The following WDR64 variants were observed in gnomAD, a reference collection of about 807,000 sequenced individuals.
WDR64 encodes WD repeat-containing protein 64.
Under a neutral mutation model 139.3 loss-of-function variants are expected in WDR64, and 112 were observed. The ratio of observed to expected loss-of-function variants is 0.80; its 90% CI spans 0.69 to 0.94. The LOEUF is 0.94. WDR64 is among the 40% of genes least tolerant of loss of function. The probability of loss-of-function intolerance (pLI) is 0.00; values close to 1 mark genes in which losing one functional copy is unlikely to be tolerated. For missense variants in WDR64, 1,206 were observed against 1,293.1 expected (o/e 0.93, Z 1.03); for synonymous variants, 444 against 437.7 (o/e 1.01, Z -0.18).
intron 15 of WDR64, among the ~76,000 whole-genome samples, chr1:241,759,742 C>T (rs921802567): frequency 6.6e-6 from 1 of 151,750 alleles, no homozygotes; most frequent in Non-Finnish European, 1.5e-5. Flanking sequence ...TAATATTTAC[C>T]ACTTAGACTA....
intron 9 of WDR64, among the ~76,000 whole-genome samples, chr1:241,721,600 T>C (rs1267038533): frequency 6.6e-6 from 1 of 152,140 alleles, no homozygotes. Context: ...TGGGAGTTAG[T>C]TTCTTTCTTT....
intron 2 of WDR64, among the ~76,000 whole-genome samples, chr1:241,665,041 AAGAAGG>A (rs1374173160): frequency 2.0e-5 from 3 of 151,436 alleles, no homozygotes; most frequent in African/African-American, 7.4e-5. Context: ...TATGAAGAAG[AAGAAGG>A]AGAAGGAGAA....
intron 27 of WDR64, among the ~76,000 whole-genome samples, chr1:241,800,478 C>A (rs922462522): frequency 6.6e-6 from 1 of 152,060 alleles, no homozygotes; most frequent in African/African-American, 2.4e-5. Context: ...CAAAAATAAT[C>A]AATGCAAAAC....
chr1:241,757,649 G>GTTTTTTTT (rs35256499), intron 15 of WDR64, among the ~76,000 whole-genome samples, 190 bp downstream of exon 15: 5 of 95,222 alleles, frequency 5.3e-5, no homozygotes, highest in African/African-American at 8.1e-5. Flanking sequence ...CAATGGATTT[G>GTTTTTTTT]TTTTTTTTTT....
intron 18 of WDR64, 138 bp from the exon 19 acceptor site, chr1:241,771,523 C>CAA (rs139942709): frequency 2.6e-4 from 135 of 521,588 alleles, no homozygotes; most frequent in African/African-American, 7.2e-4. Flanking sequence ...ACATTTTTTT[C>CAA]AAAAAAAAAT....
In WDR64 at chr1:241,801,166, T is replaced by C. The variant is rs151295225; in HGVS notation, c.3227T>C (p.Val1076Ala). ...PRRRSLKKNLVPQINLASSFF... is the reference protein window; with the variant it reads ...PRRRSLKKNLAPQINLASSFF... ...AGAAGAAGTTTGAAAAAAAATTTAG[T>C]CCCACAAATAAATCTGGCTTCTTCC... Residue 1076 changes from valine to alanine, a missense_variant, in exon 28 of 28, where the codon GTC becomes GCC. By Grantham distance (64) the Val-to-Ala change is moderately conservative. Coordinates refer to ENST00000437684, the MANE Select transcript of WDR64 (RefSeq NM_001367482.1). 5,259 of 1,613,666 alleles carry C rather than the reference T, an allele frequency of 3.3e-3. 194 individuals are homozygous for C. In the East Asian group the frequency reaches 0.08, roughly 25 times the overall value.
intron 10 of WDR64, among the ~76,000 whole-genome samples, chr1:241,733,552 A>G (rs1001457432): frequency 6.6e-6 from 1 of 151,788 alleles, no homozygotes; most frequent in Non-Finnish European, 1.5e-5. Flanking sequence ...AAATTTTTAA[A>G]ATAATTTCAG....
At chr1:241,745,353 C>A (rs943219842) in intron 13 of WDR64, among the ~76,000 whole-genome samples, 2 of 129,362 alleles carry the variant, frequency 1.5e-5, no homozygotes, top group African/African-American at 6.0e-5. Context: ...AATGCAACTG[C>A]CCTTCACGTG....
chr1:241,741,667 A>G lies in WDR64; in HGVS notation c.1470+3A>G. The G allele has an allele frequency of 1.3e-6, 2 of 1,598,020 alleles. No homozygotes were observed. Among genetic ancestry groups the G allele is most frequent in the Non-Finnish European group, 1.7e-6 (2 of 1,175,954 alleles). ...TCTGCTCTGAATCCATAATTAGGGT[A>G]AGTACCTATTGGCTTTTCAAACAGA... On this transcript the variant is annotated splice_donor_region_variant and intron_variant, in intron 12 of 27. Transcript: ENST00000437684.
At chr1:241,777,071 C>G (rs1658680884) in intron 21 of WDR64, among the ~76,000 whole-genome samples, 1 of 152,140 alleles carries the variant, frequency 6.6e-6, no homozygotes, top group Admixed American at 6.6e-5. Context: ...CACCCTCAGG[C>G]ATCATTACAT....
rs772896865 is a variant in WDR64 at position 241,711,138 on chromosome 1, G to A, written c.975-664G>A. Reference sequence around the variant, plus strand: ...TGTAATCCCAGCTACTCAGGAGGCTGAGGCAGGAAAATTGCTTGAACCTGG... The same window carrying A: ...TGTAATCCCAGCTACTCAGGAGGCTAAGGCAGGAAAATTGCTTGAACCTGG... On this transcript the variant is annotated intron_variant, in intron 8 of 27. Coordinates refer to ENST00000437684, the MANE Select transcript of WDR64 (RefSeq NM_001367482.1). Among the ~76,000 whole-genome samples, 3 of 151,832 alleles carry A rather than the reference G, an allele frequency of 2.0e-5. No homozygotes were observed. In the South Asian group the frequency reaches 6.2e-4, roughly 32 times the overall value.
rs1378274027 is a variant in WDR64 at position 241,783,351 on chromosome 1, T to A, written c.2675T>A (p.Val892Glu). 6.2e-7 allele frequency: 1 copy of A among 1,614,086 alleles called. No individual in the cohort carries two copies. Among genetic ancestry groups the A allele is most frequent in the Admixed American group, 1.7e-5 (1 of 60,014 alleles). ...QVIYVEEKQV[V>E]LTASIDGSVR... is the part of the protein sequence containing the mutation. ...ATCTATGTAGAAGAAAAACAAGTGG[T>A]ACTTACTGCCTCCATCGATGGCTCA... The change falls in exon 23 of 28, where the codon GTA becomes GAA. Residue 892 changes from valine to glutamate, a missense_variant. Coordinates refer to ENST00000437684, the MANE Select transcript of WDR64 (RefSeq NM_001367482.1).
intron 23 of WDR64, among the ~76,000 whole-genome samples, chr1:241,784,329 T>G (rs183827288): frequency 1.2e-3 from 189 of 152,270 alleles, no homozygotes; most frequent in African/African-American, 4.2e-3. Flanking sequence ...AGAGACCGGT[T>G]TGAAGTCCAG....
chr1:241,786,749 C>T (rs1659052540), intron 23 of WDR64, among the ~76,000 whole-genome samples: 1 of 152,150 alleles, frequency 6.6e-6, no homozygotes, highest in Non-Finnish European at 1.5e-5. Context: ...TCAATGAATA[C>T]ACTGTTAGTT....
chr1:241,794,989 T>C (rs1659320943), intron 25 of WDR64, among the ~76,000 whole-genome samples: 1 of 152,224 alleles, frequency 6.6e-6, no homozygotes, highest in Admixed American at 6.5e-5. Flanking sequence ...TCTTTTTTGA[T>C]GTATTGTGAC....
At chr1:241,744,619 CTGG>C (rs1669683298) in intron 13 of WDR64, 103 bp downstream of exon 13, 2 of 1,477,398 alleles carry the variant, frequency 1.4e-6, no homozygotes, top group Non-Finnish European at 1.8e-6. Context: ...ATGAAGCAGG[CTGG>C]ACTATGTCTG....
At chr1:241,663,470 T>C (rs963979099) in intron 2 of WDR64, among the ~76,000 whole-genome samples, 13 of 152,208 alleles carry the variant, frequency 8.5e-5, no homozygotes, top group Non-Finnish European at 1.6e-4. Flanking sequence ...TACACACCAG[T>C]GGTGTGCAAC....
At chr1:241,798,127 T>C (rs1264228198) in intron 27 of WDR64, among the ~76,000 whole-genome samples, 1 of 152,180 alleles carries the variant, frequency 6.6e-6, no homozygotes, top group Non-Finnish European at 1.5e-5. Flanking sequence ...GAATGATAAA[T>C]TATTTATCCA....
At chr1:241,799,315 T>C (rs1200712995) in intron 27 of WDR64, among the ~76,000 whole-genome samples, 1 of 150,154 alleles carries the variant, frequency 6.7e-6, no homozygotes, top group East Asian at 1.9e-4. Context: ...AAGTGGACGT[T>C]GCAGTGAGCC....
Sources: gnomAD v4.1 joint callset for allele counts (sites outside exome capture counted in the v4.1 genomes callset) on GRCh38, gnomAD v4.1.1 for gene constraint, MANE v1.5 for transcripts, NCBI Gene and HGNC (gene_info 2026-07-23, HGNC 2026-07-21) for gene names.